The following FSIP1 variants were observed in gnomAD, a reference collection of about 807,000 sequenced individuals.
FSIP1 encodes the protein fibrous sheath interacting protein 1.
A neutral mutation model predicts 60.9 loss-of-function variants in FSIP1; 65 were observed. The ratio of observed to expected loss-of-function variants is 1.07; its 90% CI spans 0.87 to 1.31. The LOEUF (loss-of-function observed/expected upper bound fraction) is 1.31. FSIP1 is among the 40% of genes most tolerant of loss of function. The pLI is 0.00. For missense variants in FSIP1, 675 were observed against 665.5 expected (o/e 1.01, Z -0.16); for synonymous variants, 209 against 221.2 (o/e 0.94, Z 0.49).
Position 39,770,612 on chromosome 15 carries a change from T to C in FSIP1, c.127-2A>G. ...GTTCAAGTTGCTTGCAGTATCGACC[T>C]AAAAATAATTTCAAAAAAAAAACAG... is the stretch of plus-strand genomic sequence containing the variant. On this transcript the variant is annotated splice_acceptor_variant, in intron 2 of 11. Transcript: ENST00000350221. LOFTEE classifies it high-confidence loss of function. 6.8e-7 allele frequency: 1 copy of C among 1,467,564 alleles called. No homozygotes were observed. The highest frequency in any genetic ancestry group is 1.4e-5 in the African/African-American group (1 of 69,586). The allele number at this position is 1,467,564 out of a possible 1,614,324, so 90.9% of individuals were successfully genotyped here.
chr15:39,655,646 T>G (rs544116433), intron 10 of FSIP1, among the ~76,000 whole-genome samples: 2 of 152,358 alleles, frequency 1.3e-5, no homozygotes, highest in East Asian at 3.9e-4. Flanking sequence ...CTCTCAAGTT[T>G]CGGTATCCTT....
intron 10 of FSIP1, among the ~76,000 whole-genome samples, chr15:39,670,132 G>A (rs1893658377): frequency 6.6e-6 from 1 of 152,210 alleles, no homozygotes; most frequent in African/African-American, 2.4e-5. Flanking sequence ...ATGGATAGTG[G>A]TGATAACAAG....
chr15:39,617,081 G>A (rs1891257767), intron 11 of FSIP1, among the ~76,000 whole-genome samples: 1 of 152,182 alleles, frequency 6.6e-6, no homozygotes, highest in Non-Finnish European at 1.5e-5. Context: ...TAGATTAATA[G>A]ATAGAAATGT....
chr15:39,647,461 C>G (rs1358047650), intron 10 of FSIP1, among the ~76,000 whole-genome samples: 1 of 152,056 alleles, frequency 6.6e-6, no homozygotes, highest in African/African-American at 2.4e-5. Flanking sequence ...GGGGTTTATT[C>G]CACTTGACAT....
intron 5 of FSIP1, among the ~76,000 whole-genome samples, chr15:39,750,659 C>T (rs1023905284): frequency 6.6e-6 from 1 of 151,878 alleles, no homozygotes; most frequent in Admixed American, 6.6e-5. Flanking sequence ...AAGACCAAAA[C>T]ATAAAATCTG....
intron 11 of FSIP1, among the ~76,000 whole-genome samples, chr15:39,610,463 C>T (rs1168808498): frequency 1.3e-5 from 2 of 152,148 alleles, no homozygotes; most frequent in South Asian, 2.1e-4. Flanking sequence ...GGGCAGATCA[C>T]GATGTCAGCC....
At chr15:39,680,714 G>A (rs1894127386) in intron 10 of FSIP1, among the ~76,000 whole-genome samples, 1 of 152,116 alleles carries the variant, frequency 6.6e-6, no homozygotes, top group African/African-American at 2.4e-5. Flanking sequence ...TATCTATCTT[G>A]TTTGTACCAT....
rs1891682778 is a variant in FSIP1, at chr15:39,627,317, C to T, written c.1189-9072G>A. On this transcript the variant is annotated intron_variant, in intron 10 of 11. Transcript: ENST00000350221. The stretch of plus-strand genomic sequence containing the variant: ...TCACTTCTGATGCCACTGCCATGGC[C>T]CCTCAAGTCACCCATGGGTACAGCA... Among the ~76,000 whole-genome samples the T allele has an allele frequency of 4.6e-5, 7 of 152,324 alleles. No individual in the cohort carries two copies. The South Asian group carries it at 1.4e-3, about 32-fold the overall frequency.
chr15:39,726,422 C>A (rs929677139), intron 9 of FSIP1, among the ~76,000 whole-genome samples, 167 bp downstream of exon 9: 1 of 151,678 alleles, frequency 6.6e-6, no homozygotes, highest in African/African-American at 2.4e-5. Context: ...CAGAAAATTA[C>A]CAAATGAAAG....
chr15:39,691,044 C>A (rs776168718), intron 10 of FSIP1, among the ~76,000 whole-genome samples: 1 of 152,186 alleles, frequency 6.6e-6, no homozygotes, highest in Non-Finnish European at 1.5e-5. Context: ...TGCCTTTCCT[C>A]CAGGAAGTTC....
At chr15:39,609,801 T>C (rs1811992631) in intron 11 of FSIP1, among the ~76,000 whole-genome samples, 1 of 152,142 alleles carries the variant, frequency 6.6e-6, no homozygotes, top group Admixed American at 6.5e-5. Flanking sequence ...AGCTCCACCT[T>C]AACTGTGGAG....
rs116157004 is a variant in FSIP1 at position 39,644,681 on chromosome 15, A to C, written c.1189-26436T>G. Among the ~76,000 whole-genome samples, 1,423 of 152,240 alleles carry C rather than the reference A, an allele frequency of 9.3e-3. 29 individuals carry two copies. Among genetic ancestry groups the C allele is most frequent in the African/African-American group, 0.033 (1,371 of 41,518 alleles). ...AGTATCTAGATACACAATGTTCAAA[A>C]GCACTTTTCAGCACTATGATTTACA... On this transcript the variant is annotated intron_variant, in intron 10 of 11. Coordinates refer to ENST00000350221, the MANE Select transcript of FSIP1 (RefSeq NM_152597.5).
At chr15:39,724,453 C>T (rs549200205) in intron 9 of FSIP1, among the ~76,000 whole-genome samples, 4 of 152,070 alleles carry the variant, frequency 2.6e-5, no homozygotes, top group Non-Finnish European at 4.4e-5. Flanking sequence ...AGGGTTGCAC[C>T]GTGTTAGCCA....
At chr15:39,644,235 C>T (rs1315346600) in intron 10 of FSIP1, among the ~76,000 whole-genome samples, 1 of 152,166 alleles carries the variant, frequency 6.6e-6, no homozygotes, top group African/African-American at 2.4e-5. Flanking sequence ...TGCGACTGTC[C>T]CGAACACTTC....
chr15:39,705,560 G>GT (rs1895227579), intron 10 of FSIP1, among the ~76,000 whole-genome samples: 3 of 152,038 alleles, frequency 2.0e-5, no homozygotes, highest in African/African-American at 7.2e-5. Flanking sequence ...TCTAATAAAG[G>GT]TAAGTTACAG....
chr15:39,744,764 CT>C (rs1355596974), intron 5 of FSIP1, among the ~76,000 whole-genome samples: 1 of 135,322 alleles, frequency 7.4e-6, no homozygotes. Flanking sequence ...CTCTCTCTCT[CT>C]CTCCCCCTCA....
At chr15:39,756,105 A>G (rs1897293105) in intron 5 of FSIP1, among the ~76,000 whole-genome samples, 1 of 152,184 alleles carries the variant, frequency 6.6e-6, no homozygotes, top group Non-Finnish European at 1.5e-5. Context: ...ACTTGAGGTT[A>G]ATATGTCTGG....
At chr15:39,615,921 T>C (rs1430942665) in intron 11 of FSIP1, among the ~76,000 whole-genome samples, 1 of 151,998 alleles carries the variant, frequency 6.6e-6, no homozygotes, top group Non-Finnish European at 1.5e-5. Flanking sequence ...ACATATTGTA[T>C]GTTTCAAAAT....
chr15:39,730,098 T>A (rs935787681), intron 8 of FSIP1, among the ~76,000 whole-genome samples: 4 of 149,642 alleles, frequency 2.7e-5, no homozygotes, highest in African/African-American at 9.8e-5. Flanking sequence ...TGTTGTGGCC[T>A]TACCAGAAAA....
Sources: allele counts gnomAD v4.1 joint callset (sites outside exome capture counted in the v4.1 genomes callset), GRCh38; gene constraint gnomAD v4.1.1; transcripts MANE v1.5; gene names NCBI Gene and HGNC (gene_info 2026-07-23, HGNC 2026-07-21).